ITGA9: variants seen among roughly 807,000 people sequenced by gnomAD.
The protein encoded by ITGA9 is integrin alpha-9.
ITGA9 carries 56 observed loss-of-function variants against 127.8 expected under a neutral mutation model. The observed-to-expected ratio is 0.44, with a 90% CI of 0.35 to 0.55. The LOEUF is 0.55. Among genes scored for constraint, ITGA9 ranks in the 20% least tolerant of loss-of-function variants. The pLI, the probability that ITGA9 is intolerant of heterozygous loss-of-function variation, is 0.00. For missense variants in ITGA9, 1,196 were observed against 1,347.1 expected, an observed-to-expected ratio of 0.89 and a Z score of 1.76; for synonymous variants, 508 against 514.5, an observed-to-expected ratio of 0.99 and a Z score of 0.17.
intron 23 of ITGA9, among the ~76,000 whole-genome samples, chr3:37,750,998 A>G (rs1575220997): frequency 1.3e-5 from 2 of 152,252 alleles, no homozygotes; most frequent in Admixed American, 6.5e-5. Flanking sequence ...CAGTTTTTCC[A>G]TAGATAGCTT....
chr3:37,529,024 T>C (rs958246025), intron 13 of ITGA9, among the ~76,000 whole-genome samples: 30 of 152,214 alleles, frequency 2.0e-4, no homozygotes, highest in African/African-American at 7.2e-4. Flanking sequence ...GACTCTTGTT[T>C]CTGGCCTCTT....
At chr3:37,749,571 G>A (rs961450984) in intron 22 of ITGA9, 3 of 151,994 alleles carry the variant, frequency 2.0e-5, no homozygotes, top group Admixed American at 6.6e-5. Context: ...TTTCTTCCTC[G>A]AGTTTCATGT....
intron 18 of ITGA9, among the ~76,000 whole-genome samples, chr3:37,703,442 T>C (rs1038703375): frequency 6.6e-6 from 1 of 152,252 alleles, no homozygotes; most frequent in Non-Finnish European, 1.5e-5. Flanking sequence ...GCTAAGTTTT[T>C]AGTCTTCTCT....
chr3:37,737,286 A>G (rs550393528), intron 20 of ITGA9, among the ~76,000 whole-genome samples: 17 of 152,332 alleles, frequency 1.1e-4, no homozygotes, highest in African/African-American at 3.8e-4. Context: ...GTCCAAGGTC[A>G]GTTCCCACTT....
chr3:37,799,004 A>G lies in ITGA9; in HGVS notation c.2890-4819A>G, dbSNP rs982823761. 2.0e-5 allele frequency among the ~76,000 whole-genome samples: 3 copies of G among 152,198 alleles called. No individual in the cohort carries two copies. The highest frequency in any genetic ancestry group is 2.9e-5 in the Non-Finnish European group (2 of 68,038). ...GTGATTGACCATAGTTTACTTATCT[A>G]TTGCCCTAATGTTAGACACTTAGGA... On this transcript the variant is annotated intron_variant, in intron 26 of 27. Transcript: ENST00000264741. The surrounding 1 kb of genome is among the most constrained non-coding windows in gnomAD (Gnocchi z 4.0).
intron 23 of ITGA9, among the ~76,000 whole-genome samples, chr3:37,763,794 C>A (rs1005276881): frequency 6.6e-6 from 1 of 152,170 alleles, no homozygotes; most frequent in African/African-American, 2.4e-5. Context: ...ATCTATGCTG[C>A]TCTTCCCCAT....
At chr3:37,746,114 G>C (rs1026273656) in intron 22 of ITGA9, among the ~76,000 whole-genome samples, 10 of 152,226 alleles carry the variant, frequency 6.6e-5, no homozygotes, top group African/African-American at 2.2e-4. Flanking sequence ...CAGCTTGGCA[G>C]TGATAATGAC....
chr3:37,794,463 C>G (rs1182288981), intron 26 of ITGA9, among the ~76,000 whole-genome samples: 2 of 152,208 alleles, frequency 1.3e-5, no homozygotes, highest in Admixed American at 6.5e-5. Flanking sequence ...ACATCATGCT[C>G]AGACTTATTT....
At chr3:37,461,347 A>G (rs1310041223) in intron 1 of ITGA9, among the ~76,000 whole-genome samples, 2 of 152,140 alleles carry the variant, frequency 1.3e-5, no homozygotes, top group Non-Finnish European at 1.5e-5. Context: ...ATCTTGACCA[A>G]TTACTTCAGC....
At chr3:37,485,710 T>C (rs531374281) in intron 4 of ITGA9, among the ~76,000 whole-genome samples, 1 of 152,320 alleles carries the variant, frequency 6.6e-6, no homozygotes, top group South Asian at 2.1e-4. Flanking sequence ...AAAATTGGTC[T>C]CTGGTTTGGC....
intron 5 of ITGA9, among the ~76,000 whole-genome samples, chr3:37,500,862 TGA>T (rs1199577864): frequency 1.3e-5 from 2 of 152,188 alleles, no homozygotes; most frequent in Non-Finnish European, 2.9e-5. Flanking sequence ...GTTTCAGCAG[TGA>T]GAGACTTGAC....
At chr3:37,522,742 A>G (rs1008652540) in intron 11 of ITGA9, among the ~76,000 whole-genome samples, 5 of 151,874 alleles carry the variant, frequency 3.3e-5, no homozygotes, top group Non-Finnish European at 7.4e-5. Context: ...AAAAAAAGAG[A>G]AAGTTTTTTG....
intron 22 of ITGA9, chr3:37,748,601 G>T: frequency 2.1e-6 from 1 of 483,226 alleles, no homozygotes; most frequent in Non-Finnish European, 3.7e-6. Context: ...ACAAAAATTA[G>T]CCGGGGATGG....
chr3:37,677,507 T>C (rs1213317075), intron 17 of ITGA9, among the ~76,000 whole-genome samples: 1 of 152,206 alleles, frequency 6.6e-6, no homozygotes, highest in Non-Finnish European at 1.5e-5. Flanking sequence ...TTCTAAATAT[T>C]CTCCCAGTAT....
chr3:37,629,394 T>A lies in ITGA9; in HGVS notation c.1839+58T>A. The stretch of plus-strand genomic sequence containing the variant: ...AGGTGGCAGCTGCACAGAGCAGAAA[T>A]AATGGCCCAAAAGTTGAGAGAGCCG... On this transcript the variant is annotated intron_variant, in intron 16 of 27. Transcript: ENST00000264741. The surrounding 1 kb of genome is among the most constrained non-coding windows in gnomAD (Gnocchi z 4.5). 1.3e-6 allele frequency: 2 copies of A among 1,595,728 alleles called. No individual in the cohort carries two copies. The highest frequency in any genetic ancestry group is 1.7e-6 in the Non-Finnish European group (2 of 1,169,288).
intron 2 of ITGA9, 30 bp from the exon 3 acceptor site, chr3:37,473,324 C>T (rs1460219399): frequency 6.3e-7 from 1 of 1,584,764 alleles, no homozygotes; most frequent in East Asian, 2.2e-5. Flanking sequence ...ACTCCTCAAC[C>T]CAAGTCTGGC....
At chr3:37,647,545 C>T (rs920649145) in intron 16 of ITGA9, among the ~76,000 whole-genome samples, 7 of 150,534 alleles carry the variant, frequency 4.7e-5, no homozygotes, top group African/African-American at 1.2e-4. Context: ...ATAGTCATCA[C>T]GCTATACATT....
intron 20 of ITGA9, among the ~76,000 whole-genome samples, chr3:37,739,241 A>G (rs1037683246): frequency 2.0e-5 from 3 of 152,226 alleles, no homozygotes; most frequent in Admixed American, 2.0e-4. Context: ...ATGTACATTA[A>G]CAGTGCTGCA....
intron 18 of ITGA9, among the ~76,000 whole-genome samples, chr3:37,684,393 C>G (rs1314367693): frequency 6.6e-6 from 1 of 152,184 alleles, no homozygotes; most frequent in Non-Finnish European, 1.5e-5. Flanking sequence ...AAGGGCAGAT[C>G]ACTGCTTGTC....
Sources: gnomAD v4.1 joint callset for allele counts (sites outside exome capture counted in the v4.1 genomes callset) on GRCh38, gnomAD v4.1.1 for gene constraint, Gnocchi (gnomAD v3.1) non-coding constraint, MANE v1.5 for transcripts, NCBI Gene and HGNC (gene_info 2026-07-23, HGNC 2026-07-21) for gene names.